Variants in TNIK observed in about 807,000 individuals in gnomAD.
The protein encoded by TNIK is TRAF2 and NCK interacting kinase, also known as TRAF2 and NCK-interacting protein kinase.
In TNIK, 49 loss-of-function variants were observed where a neutral mutation model predicts 191.3. The observed-to-expected ratio is 0.26, with a 90% CI of 0.20 to 0.32. TNIK has a LOEUF of 0.32. TNIK is among the 10% of genes least tolerant of loss of function. The pLI, the probability that TNIK is intolerant of heterozygous loss-of-function variation, is 1.00. For synonymous variants in TNIK, 594 were observed against 600.9 expected (o/e 0.99, Z 0.17); for missense variants, 1,155 against 1,702.3 (o/e 0.68, Z 5.66).
intron 1 of TNIK, among the ~76,000 whole-genome samples, chr3:171,417,602 C>T (rs1396205371): frequency 6.6e-6 from 1 of 152,018 alleles, no homozygotes; most frequent in African/African-American, 2.4e-5. Context: ...TTTAAATTTC[C>T]ATTTCTATTT....
chr3:171,384,529 A>C (rs185267012), intron 1 of TNIK, among the ~76,000 whole-genome samples: 111 of 152,346 alleles, frequency 7.3e-4, no homozygotes, highest in African/African-American at 2.0e-3. Context: ...AGTATTGATA[A>C]AATCTACCCA....
chr3:171,072,569 C>T (rs1331387055), intron 28 of TNIK, among the ~76,000 whole-genome samples: 2 of 152,004 alleles, frequency 1.3e-5, no homozygotes, highest in Admixed American at 6.6e-5. Flanking sequence ...ATTGGAAGTC[C>T]TAGCCAGAAC....
At chr3:171,195,766 C>T (rs771914861) in intron 4 of TNIK, among the ~76,000 whole-genome samples, 4 of 152,158 alleles carry the variant, frequency 2.6e-5, no homozygotes, top group Non-Finnish European at 5.9e-5. Context: ...TTCCCACCTT[C>T]TCCAAGAAGC....
intron 2 of TNIK, among the ~76,000 whole-genome samples, chr3:171,361,687 A>C (rs772708208): frequency 2.0e-5 from 3 of 152,194 alleles, no homozygotes; most frequent in Non-Finnish European, 4.4e-5. Flanking sequence ...AAGAGAAATA[A>C]CAACATAGGA....
At chr3:171,361,144 G>A in intron 2 of TNIK, among the ~76,000 whole-genome samples, 1 of 145,206 alleles carries the variant, frequency 6.9e-6, no homozygotes, top group Admixed American at 6.7e-5. Flanking sequence ...TCTCTATCCT[G>A]GCTGTGCATT....
intron 2 of TNIK, among the ~76,000 whole-genome samples, chr3:171,351,283 G>GTGTGTGTGTGTGTGTGTGTC (rs1445263893): frequency 9.2e-6 from 1 of 108,792 alleles, no homozygotes; most frequent in Admixed American, 1.1e-4. Flanking sequence ...GTGTGTGTGT[G>GTGTGTGTGTGTGTGTGTGTC]TGTGTATGAA....
chr3:171,120,608 C>T (rs1032239674), intron 18 of TNIK, among the ~76,000 whole-genome samples: 22 of 152,094 alleles, frequency 1.4e-4, no homozygotes, highest in Admixed American at 5.9e-4. Flanking sequence ...TGTGAGCCAC[C>T]GCGCCCGGCC....
intron 2 of TNIK, among the ~76,000 whole-genome samples, chr3:171,258,229 C>T (rs901969753): frequency 6.6e-6 from 1 of 152,226 alleles, no homozygotes; most frequent in South Asian, 2.1e-4. Flanking sequence ...TTTTTAAAAA[C>T]CTTTATGATT....
chr3:171,269,512 C>T (rs866413815), intron 2 of TNIK, among the ~76,000 whole-genome samples: 4 of 152,316 alleles, frequency 2.6e-5, no homozygotes, highest in Middle Eastern at 6.8e-3. Flanking sequence ...CAACATACAT[C>T]ACACAATGTT....
Position 171,159,620 on chromosome 3 carries a change from G to A in TNIK, c.1016+1650C>T, listed in dbSNP as rs566167036. ...GGAACCCAGCCTCCCATGCACACGAGGATGCTCCATTAATATTAATTGATA... is the reference window on the plus strand; with the variant it reads ...GGAACCCAGCCTCCCATGCACACGAAGATGCTCCATTAATATTAATTGATA... On this transcript the variant is annotated intron_variant, in intron 11 of 32. Transcript: ENST00000436636. The surrounding 1 kb of genome is among the most constrained non-coding windows in gnomAD (Gnocchi z 4.1). 1.2e-4 allele frequency among the ~76,000 whole-genome samples: 18 copies of A among 152,284 alleles called. No homozygotes were observed. Among genetic ancestry groups the A allele is most frequent in the East Asian group, 3.9e-4 (2 of 5,178 alleles).
Position 171,264,353 on chromosome 3 carries a change from T to C in TNIK, c.124-36132A>G, listed in dbSNP as rs371025690. 1.0e-3 allele frequency among the ~76,000 whole-genome samples: 138 copies of C among 136,654 alleles called. No homozygotes were observed. In the South Asian group the frequency reaches 0.013, roughly 13 times the overall value. The allele number at this position is 136,654 out of a possible 152,430, so 89.7% of individuals were successfully genotyped here. On this transcript the variant is annotated intron_variant, in intron 2 of 32. Coordinates refer to ENST00000436636, the MANE Select transcript of TNIK (RefSeq NM_015028.4). ...CGTATAATACACACACACACACACA[T>C]ATATATATATTTTATTTTCAGACGG...
intron 4 of TNIK, among the ~76,000 whole-genome samples, chr3:171,208,935 G>A (rs1341937881): frequency 2.0e-5 from 3 of 152,202 alleles, no homozygotes; most frequent in African/African-American, 4.8e-5. Context: ...GCAATGTCCC[G>A]TAAGTGACTC....
chr3:171,177,455 C>T (rs982628432), intron 7 of TNIK, 75 bp from the exon 8 acceptor site: 3 of 1,508,140 alleles, frequency 2.0e-6, no homozygotes, highest in Admixed American at 4.1e-5. Flanking sequence ...GTAATTGCTT[C>T]AGAACTTCCT....
intron 1 of TNIK, among the ~76,000 whole-genome samples, chr3:171,424,561 T>C (rs1008079724): frequency 1.3e-5 from 2 of 152,034 alleles, no homozygotes; most frequent in African/African-American, 2.4e-5. Flanking sequence ...CTATTCACAA[T>C]AGCAAAGGCT....
At position 171,405,033 on chromosome 3, in the gene TNIK, C is replaced by A. The variant is rs556407611; in HGVS notation, c.58-35348G>T. Among the ~76,000 whole-genome samples, 4 of 152,196 alleles carry A rather than the reference C, an allele frequency of 2.6e-5. No individual in the cohort carries two copies. In the South Asian group the frequency reaches 8.3e-4, roughly 31 times the overall value. ...TCAATAAAGGTGACTGAGGGTTTTA[C>A]ACAGGTTAGCTTGTGTGGTCTTCCC... On this transcript the variant is annotated intron_variant, in intron 1 of 32. Coordinates refer to ENST00000436636, the MANE Select transcript of TNIK (RefSeq NM_015028.4).
chr3:171,166,161 A>T (rs1560206040), intron 10 of TNIK, among the ~76,000 whole-genome samples: 1 of 152,204 alleles, frequency 6.6e-6, no homozygotes, highest in Admixed American at 6.5e-5. Flanking sequence ...GCTATGACTC[A>T]TGAGTTGTTA....
chr3:171,234,694 G>A (rs550906588), intron 2 of TNIK, among the ~76,000 whole-genome samples: 2 of 152,164 alleles, frequency 1.3e-5, no homozygotes, highest in African/African-American at 4.8e-5. Context: ...CAAAATGGAT[G>A]CTTAAAGGGA....
intron 1 of TNIK, among the ~76,000 whole-genome samples, chr3:171,414,396 C>A (rs1722786751): frequency 6.6e-6 from 1 of 152,228 alleles, no homozygotes; most frequent in Admixed American, 6.5e-5. Flanking sequence ...CATTCCCCTT[C>A]CAAATGAGAG....
intron 2 of TNIK, among the ~76,000 whole-genome samples, chr3:171,339,535 G>C (rs2010072): frequency 0.013 from 1,946 of 152,292 alleles, 25 homozygotes; most frequent in Non-Finnish European, 0.022. Context: ...ATCTGCGTCT[G>C]TTTGTGGAAG....
Sources: allele counts gnomAD v4.1 joint callset (sites outside exome capture counted in the v4.1 genomes callset), GRCh38; gene constraint gnomAD v4.1.1; non-coding constraint Gnocchi (gnomAD v3.1); transcripts MANE v1.5; gene names NCBI Gene and HGNC (gene_info 2026-07-23, HGNC 2026-07-21).